MAP3K4: variants seen among roughly 807,000 people sequenced by gnomAD.
MAP3K4 encodes the protein mitogen-activated protein kinase kinase kinase 4, also known as MAP three kinase 1.
A neutral mutation model predicts 185.6 loss-of-function variants in MAP3K4; 67 were observed. The ratio of observed to expected loss-of-function variants is 0.36; its 90% CI spans 0.30 to 0.44. The LOEUF is 0.44. Ranked by LOEUF, MAP3K4 falls within the 20% of genes least tolerant of loss-of-function variation. The pLI is 1.00. For synonymous variants in MAP3K4, 702 were observed against 710.4 expected (o/e 0.99, Z 0.19); for missense variants, 1,551 against 1,995.1 (o/e 0.78, Z 4.24).
rs2114775717 is a variant in MAP3K4 at position 161,054,454 on chromosome 6, C to T, written c.1707+4475C>T. ...ATAGGTGTGAGCCACCGCGCCCGGCCCAAACTAATTTTTCTCTAAAACTTT... is the reference window on the plus strand; with the variant it reads ...ATAGGTGTGAGCCACCGCGCCCGGCTCAAACTAATTTTTCTCTAAAACTTT... On this transcript the variant is annotated intron_variant, in intron 3 of 26. Transcript: ENST00000392142. The surrounding 1 kb of genome is among the most constrained non-coding windows in gnomAD (Gnocchi z 4.2). Among the ~76,000 whole-genome samples the T allele has an allele frequency of 6.6e-6, 1 of 152,192 alleles. No homozygotes were observed. The highest frequency in any genetic ancestry group is 3.4e-3 in the Middle Eastern group (1 of 294).
intron 1 of MAP3K4, among the ~76,000 whole-genome samples, chr6:160,994,279 A>G (rs754964842): frequency 2.6e-4 from 40 of 152,146 alleles, no homozygotes; most frequent in African/African-American, 1.7e-4. Flanking sequence ...TATGTAGTCT[A>G]TTCCTCACCC....
rs1426098979 is a variant in MAP3K4 at position 161,114,086 on chromosome 6, A to T, written c.4627-1037A>T. ...CTGAGTGACATTTTTAAAGATTGAG[A>T]ATACTATCTTTTAGAGAGTATATAA... On this transcript the variant is annotated intron_variant, in intron 25 of 26. Transcript: ENST00000392142. This position sits in a 1 kb window ranked among gnomAD's most constrained non-coding sequence, Gnocchi z 4.3. Among the ~76,000 whole-genome samples the T allele has an allele frequency of 6.6e-6, 1 of 152,090 alleles. No individual in the cohort carries two copies. Among genetic ancestry groups the T allele is most frequent in the African/African-American group, 2.4e-5 (1 of 41,422 alleles).
At position 161,086,508 on chromosome 6, in the gene MAP3K4, C is replaced by A; in HGVS notation, c.2472+30C>A. On this transcript the variant is annotated intron_variant, in intron 8 of 26. Coordinates refer to ENST00000392142, the MANE Select transcript of MAP3K4 (RefSeq NM_005922.4). This position sits in a 1 kb window ranked among gnomAD's most constrained non-coding sequence, Gnocchi z 4.8. ...GCTTGCAATCCTGATTAATTAGTACCTTTTTTCTTGTTTTTCTTTTATCTT... is the reference window on the plus strand; with the variant it reads ...GCTTGCAATCCTGATTAATTAGTACATTTTTTCTTGTTTTTCTTTTATCTT... 6.2e-7 allele frequency: 1 copy of A among 1,602,020 alleles called. No individual in the cohort carries two copies. The highest frequency in any genetic ancestry group is 1.1e-5 in the South Asian group (1 of 89,644).
In MAP3K4 at chr6:161,012,293, C is replaced by T. The variant is rs979910179; in HGVS notation, c.152+20210C>T. On this transcript the variant is annotated intron_variant, in intron 1 of 26. Transcript: ENST00000392142. The stretch of plus-strand genomic sequence containing the variant: ...TCCTTTGTATGGGTCGGTTCCTATG[C>T]GTCAGTTGCCCTTTCCTCTCTTTTC... 3.9e-5 allele frequency among the ~76,000 whole-genome samples: 6 copies of T among 152,132 alleles called. No homozygotes were observed. The East Asian group carries it at 5.8e-4, about 15-fold the overall frequency.
rs766571378 is a variant in MAP3K4 at position 161,070,668 on chromosome 6, C to T, written c.1768C>T (p.Pro590Ser). ...TTATGTGCAGTTGTCAAGGACACCA[C>T]CTTCATCTGAGGAGAAATGCAGTGC... ...SDYVQLSRTP[P>S]SSEEKCSAVS... is the part of the protein sequence containing the mutation. The change falls in exon 4 of 27, where the codon CCT (proline) becomes TCT (serine). Residue 590 changes from proline to serine, a missense_variant. Around this residue, in one of 16 missense-constraint regions of MAP3K4, gnomAD observed 86 missense variants for 81.6 expected, o/e 1.05. Transcript: ENST00000392142. The surrounding 1 kb of genome is among the most constrained non-coding windows in gnomAD (Gnocchi z 4.5). 13 of 1,613,816 alleles carry T rather than the reference C, an allele frequency of 8.1e-6. No individual in the cohort carries two copies. The highest frequency in any genetic ancestry group is 1.7e-5 in the Admixed American group (1 of 59,992).
chr6:161,078,485 G>C (rs1341238169), intron 5 of MAP3K4, among the ~76,000 whole-genome samples: 7 of 152,250 alleles, frequency 4.6e-5, no homozygotes, highest in Non-Finnish European at 8.8e-5. Context: ...GCAGAAAGAT[G>C]AGCAGTCAGT....
rs1352764931 is a variant in MAP3K4 at position 161,049,286 on chromosome 6, A to G, written c.1014A>G (p.Ser338=). ...ATPGTKIVGY[S]THHEHLQRQR... ...CTGGAACAAAGATTGTAGGTTACTC[A>G]ACACATCATGAGCATCTCCAACGCC... is the stretch of plus-strand genomic sequence containing the variant. The change falls in exon 3 of 27, where the codon TCA becomes TCG. Residue 338 remains serine, a synonymous_variant. Coordinates refer to ENST00000392142, the MANE Select transcript of MAP3K4 (RefSeq NM_005922.4). The surrounding 1 kb of genome is among the most constrained non-coding windows in gnomAD (Gnocchi z 8.4). The G allele has an allele frequency of 3.7e-6, 6 of 1,614,048 alleles. No homozygotes were observed. Among genetic ancestry groups the G allele is most frequent in the Non-Finnish European group, 5.1e-6 (6 of 1,180,010 alleles).
rs747483993 is a variant in MAP3K4 at position 161,070,894 on chromosome 6, T to G, written c.1950+44T>G. ...TTAAAATATTTAGCAATTATTATAT[T>G]ATCCTACAGGCTTATCATTTTTATT... is the stretch of plus-strand genomic sequence containing the variant. On this transcript the variant is annotated intron_variant, in intron 4 of 26. Transcript: ENST00000392142. The surrounding 1 kb of genome is among the most constrained non-coding windows in gnomAD (Gnocchi z 4.5). 1 of 1,505,520 alleles carries G rather than the reference T, an allele frequency of 6.6e-7. No individual in the cohort carries two copies. The highest frequency in any genetic ancestry group is 2.1e-5 in the Admixed American group (1 of 46,932). 93.3% of individuals were successfully genotyped at this position (1,505,520 alleles called of 1,614,324 possible).
In MAP3K4 at chr6:161,100,728, C is replaced by T. The variant is rs554925475; in HGVS notation, c.3675-1164C>T. On this transcript the variant is annotated intron_variant, in intron 17 of 26. Transcript: ENST00000392142. The surrounding 1 kb of genome is among the most constrained non-coding windows in gnomAD (Gnocchi z 5.8). The stretch of plus-strand genomic sequence containing the variant: ...AAGGACATGGAATTGGCTAGTCTCA[C>T]TTGTGGGAAATCGGAAAAATTAGAG... 1.6e-4 allele frequency among the ~76,000 whole-genome samples: 24 copies of T among 152,058 alleles called. No individual in the cohort carries two copies. Among genetic ancestry groups the T allele is most frequent in the Middle Eastern group, 3.4e-3 (1 of 294 alleles).
chr6:161,046,466 A>G (rs1360446117), intron 2 of MAP3K4, among the ~76,000 whole-genome samples: 1 of 152,028 alleles, frequency 6.6e-6, no homozygotes, highest in African/African-American at 2.4e-5. Flanking sequence ...GTTTAAAGAC[A>G]TTTAGAAGTA....
chr6:161,013,608 G>T (rs1781948639), intron 1 of MAP3K4, among the ~76,000 whole-genome samples: 1 of 152,188 alleles, frequency 6.6e-6, no homozygotes, highest in African/African-American at 2.4e-5. Context: ...GCCCAGGAAA[G>T]AATTCAGGGG....
At position 161,089,431 on chromosome 6, in the gene MAP3K4, C is replaced by T; in HGVS notation, c.2933C>T (p.Ser978Phe). The T allele has an allele frequency of 2.5e-6, 4 of 1,614,198 alleles. No homozygotes were observed. Among genetic ancestry groups the T allele is most frequent in the Non-Finnish European group, 3.4e-6 (4 of 1,180,036 alleles). ...GLMTLCQEQTSSQPVIAKALQ... is the reference protein window; with the variant it reads ...GLMTLCQEQTFSQPVIAKALQ... The stretch of plus-strand genomic sequence containing the variant: ...ATGACTCTGTGCCAGGAGCAGACAT[C>T]CAGTCAGCCGGTCATCGCCAAAGCT... The change falls in exon 11 of 27, where the codon TCC (serine) becomes TTC (phenylalanine). Residue 978 changes from serine (S) to phenylalanine (F), a missense_variant. Transcript: ENST00000392142.
At chr6:161,021,696 C>T (rs1228919528) in intron 1 of MAP3K4, among the ~76,000 whole-genome samples, 1 of 152,136 alleles carries the variant, frequency 6.6e-6, no homozygotes, top group Non-Finnish European at 1.5e-5. Flanking sequence ...GCTAACTCTC[C>T]AGTTCTCTGT....
rs963406358 is a variant in MAP3K4, at chr6:161,098,044, G to A, written c.3525-234G>A. Among the ~76,000 whole-genome samples, 1 of 151,972 alleles carries A rather than the reference G, an allele frequency of 6.6e-6. No individual in the cohort carries two copies. The highest frequency in any genetic ancestry group is 1.5e-5 in the Non-Finnish European group (1 of 67,984). ...CAAGGCTGCAGTGAGCTATGATTGC[G>A]CCACTGCACTCCAGCCTGGACAACA... On this transcript the variant is annotated intron_variant, in intron 16 of 26. Coordinates refer to ENST00000392142, the MANE Select transcript of MAP3K4 (RefSeq NM_005922.4). This position sits in a 1 kb window ranked among gnomAD's most constrained non-coding sequence, Gnocchi z 4.4.
intron 1 of MAP3K4, among the ~76,000 whole-genome samples, chr6:161,005,937 G>A (rs1416295549): frequency 1.3e-5 from 2 of 152,176 alleles, no homozygotes; most frequent in Admixed American, 6.5e-5. Context: ...ACAGGTGCCC[G>A]CCACCGTGCC....
Position 161,101,846 on chromosome 6 carries a change from A to G in MAP3K4, c.3675-46A>G, listed in dbSNP as rs1777851880. 6.7e-7 allele frequency: 1 copy of G among 1,492,250 alleles called. No individual in the cohort carries two copies. Among genetic ancestry groups the G allele is most frequent in the Non-Finnish European group, 9.3e-7 (1 of 1,074,702 alleles). The allele number at this position is 1,492,250 out of a possible 1,614,324, so 92.4% of individuals were successfully genotyped here. On this transcript the variant is annotated intron_variant, in intron 17 of 26. Coordinates refer to ENST00000392142, the MANE Select transcript of MAP3K4 (RefSeq NM_005922.4). The surrounding 1 kb of genome is among the most constrained non-coding windows in gnomAD (Gnocchi z 5.1). ...AAAAATCTCGCAGATCTTTCATTTT[A>G]AGTTCTATTGAATTGATAGCTCAAT...
In MAP3K4 at chr6:161,086,560, G is replaced by A. The variant is rs1328069017; in HGVS notation, c.2473-24G>A. On this transcript the variant is annotated intron_variant, in intron 8 of 26. Coordinates refer to ENST00000392142, the MANE Select transcript of MAP3K4 (RefSeq NM_005922.4). This position sits in a 1 kb window ranked among gnomAD's most constrained non-coding sequence, Gnocchi z 4.8. ...TTTTTTTAATGCTAACCGTAAAGAA[G>A]TTTCTTTGTAACTGTGATCCTAGGA... 1 of 1,609,134 alleles carries A rather than the reference G, an allele frequency of 6.2e-7. No homozygotes were observed. Among genetic ancestry groups the A allele is most frequent in the South Asian group, 1.1e-5 (1 of 90,274 alleles).
At chr6:161,020,531 G>A (rs182673633) in intron 1 of MAP3K4, among the ~76,000 whole-genome samples, 97 of 151,988 alleles carry the variant, frequency 6.4e-4, no homozygotes, top group African/African-American at 2.3e-3. Flanking sequence ...GGTAGTGCGC[G>A]CCTGTAGTCC....
Position 161,115,057 on chromosome 6 carries a change from T to C in MAP3K4, c.4627-66T>C, listed in dbSNP as rs927949939. On this transcript the variant is annotated intron_variant, in intron 25 of 26. Transcript: ENST00000392142. The surrounding 1 kb of genome is among the most constrained non-coding windows in gnomAD (Gnocchi z 6.0). ...AATGATGAGATGCTTAAAAACAGAC[T>C]GAACATTTGCGTTGTTTGTGGCTGT... The C allele has an allele frequency of 3.1e-5, 44 of 1,397,996 alleles. No individual in the cohort carries two copies. Among genetic ancestry groups the C allele is most frequent in the Non-Finnish European group, 4.2e-5 (42 of 1,010,330 alleles). 86.6% of individuals were successfully genotyped at this position (1,397,996 alleles called of 1,614,324 possible). A position where few individuals can be genotyped will look rare whatever the true frequency, so the allele number is the denominator to read the frequency against.
Sources: gnomAD v4.1 joint callset for allele counts (sites outside exome capture counted in the v4.1 genomes callset) on GRCh38, gnomAD v4.1.1 for gene constraint, gnomAD v4.1.1 regional missense constraint, Gnocchi (gnomAD v3.1) non-coding constraint, MANE v1.5 for transcripts, NCBI Gene and HGNC (gene_info 2026-07-23, HGNC 2026-07-21) for gene names.